Variants in ASB9 observed in about 807,000 individuals in gnomAD.
ASB9 encodes the protein ankyrin repeat and SOCS box protein 9.
In ASB9, 5 loss-of-function variants were observed where a neutral mutation model predicts 16.6. The observed-to-expected ratio is 0.30, with a 90% CI of 0.16 to 0.63. The LOEUF (loss-of-function observed/expected upper bound fraction) is 0.63, where lower values mean the gene tolerates loss of function less well. Ranked by LOEUF, ASB9 falls within the 30% of genes least tolerant of loss-of-function variation. ASB9 has a pLI of 0.82. For missense variants in ASB9, 216 were observed against 229.4 expected (o/e 0.94, Z 0.38); for synonymous variants, 100 against 86.4 (o/e 1.16, Z -0.87).
chrX:15,250,376 C>T (rs55969024), intron 5 of ASB9, 54 bp downstream of exon 5: 27,446 of 1,160,626 alleles, frequency 0.024, 276 homozygotes, highest in Non-Finnish European at 0.026. Flanking sequence ...GTTTAAAATA[C>T]ATTTAATTTA....
intron 1 of ASB9, among the ~76,000 whole-genome samples, chrX:15,262,065 C>A (rs896145862): frequency 1.9e-5 from 2 of 107,533 alleles, no homozygotes; most frequent in Non-Finnish European, 3.8e-5. Context: ...CAACTGGCTT[C>A]TTTTATTTAG....
At chrX:15,269,742 A>C in intron 1 of ASB9, 39 bp downstream of exon 1, 3 of 1,141,934 alleles carry the variant, frequency 2.6e-6, no homozygotes, top group Non-Finnish European at 3.5e-6. Context: ...CACATTAGCC[A>C]ACCTCCCCAG....
chrX:15,251,074 A>C (rs1441712690), intron 4 of ASB9, among the ~76,000 whole-genome samples: 1 of 112,550 alleles, frequency 8.9e-6, no homozygotes, highest in African/African-American at 3.2e-5. Flanking sequence ...CATAGGATGC[A>C]ATCTGCAACT....
intron 2 of ASB9, 139 bp from the exon 3 acceptor site, chrX:15,254,983 TTA>T: frequency 2.3e-6 from 1 of 431,942 alleles, no homozygotes; most frequent in Non-Finnish European, 3.9e-6. Flanking sequence ...TATATTGACT[TTA>T]AAAAAAAAAA....
At chrX:15,259,791 C>T (rs1418612709) in intron 1 of ASB9, among the ~76,000 whole-genome samples, 13 of 112,311 alleles carry the variant, frequency 1.2e-4, no homozygotes, top group Admixed American at 1.0e-3. Context: ...GGGTTGCAGT[C>T]AAAACGTTGT....
At position 15,250,461 on chromosome X, in the gene ASB9, C is replaced by A. The variant is rs746318031; in HGVS notation, c.537G>T (p.Gln179His). Residue 179 changes from glutamine (Q) to histidine (H), a missense_variant, in exon 5 of 7, where the codon CAG becomes CAT. Coordinates refer to ENST00000380488, the MANE Select transcript of ASB9 (RefSeq NM_001031739.3). ...TPLYLACENQ[Q>H]RACVKKLLES... ...CCAGAAGCTTCTTGACACAGGCTCT[C>A]TGTTGGTTTTCACAAGCCAAATAGA... 7 of 1,209,803 alleles carry A rather than the reference C, an allele frequency of 5.8e-6. No individual in the cohort carries two copies. The Admixed American group carries it at 1.3e-4, about 23-fold the overall frequency.
In ASB9 at chrX:15,248,953, C is replaced by CA; in HGVS notation, c.569-19dup. 1.8e-6 allele frequency: 2 copies of CA among 1,136,836 alleles called. No homozygotes were observed. Among genetic ancestry groups the CA allele is most frequent in the Non-Finnish European group, 1.2e-6 (1 of 858,859 alleles). The allele number at this position is 1,136,836 out of a possible 1,213,427, so 93.7% of individuals were successfully genotyped here. A position where few individuals can be genotyped will look rare whatever the true frequency, so the allele number is the denominator to read the frequency against. ...GTCCGCTCCTAAACAGTCACGAGAA[C>CA]AAAAAAGAGTCAGCAAGGAGCAGAA... On this transcript the variant is annotated intron_variant, in intron 5 of 6. Transcript: ENST00000380488.
chrX:15,252,111 G>T (rs1925163520), intron 4 of ASB9, 143 bp downstream of exon 4: 4 of 623,341 alleles, frequency 6.4e-6, no homozygotes, highest in Non-Finnish European at 9.5e-6. Context: ...GCATTTGCAG[G>T]CCAGGTCATG....
intron 5 of ASB9, 61 bp downstream of exon 5, chrX:15,250,369 T>G (rs1925005843): frequency 4.3e-6 from 5 of 1,152,357 alleles, no homozygotes; most frequent in Non-Finnish European, 5.9e-6. Flanking sequence ...GTAAGATGTT[T>G]AAAATACATT....
intron 2 of ASB9, 140 bp from the exon 3 acceptor site, chrX:15,254,984 T>TAAA: frequency 2.7e-6 from 1 of 363,961 alleles, no homozygotes; most frequent in Non-Finnish European, 4.9e-6. Context: ...ATATTGACTT[T>TAAA]AAAAAAAAAA....
Position 15,248,844 on chromosome X carries a change from A to G in ASB9, c.660T>C (p.Asp220=). The change falls in exon 6 of 7, where the codon GAT becomes GAC. Residue 220 remains aspartate (D), a synonymous_variant. Coordinates refer to ENST00000380488, the MANE Select transcript of ASB9 (RefSeq NM_001031739.3). The part of the protein sequence containing the change: ...ASEELACLLM[D]FGADTQAKNA... ...TCTTGGCCTGGGTGTCCGCTCCAAA[A>G]TCCATGAGCAGGCAGGCCAGCTCTT... 8.3e-7 allele frequency: 1 copy of G among 1,211,412 alleles called. No homozygotes were observed. The highest frequency in any genetic ancestry group is 1.1e-6 in the Non-Finnish European group (1 of 895,292).
At chrX:15,260,439 T>A (rs1369447265) in intron 1 of ASB9, among the ~76,000 whole-genome samples, 5 of 112,075 alleles carry the variant, frequency 4.5e-5, no homozygotes, top group Non-Finnish European at 9.4e-5. Flanking sequence ...TACAACCACA[T>A]AGAAGGAAAA....
intron 2 of ASB9, among the ~76,000 whole-genome samples, chrX:15,257,023 G>A (rs1419758457): frequency 9.0e-6 from 1 of 110,642 alleles, no homozygotes; most frequent in Non-Finnish European, 1.9e-5. Flanking sequence ...TTGGGGGAAG[G>A]CAGGCCGAGG....
At chrX:15,264,196 G>C (rs1428654851) in intron 1 of ASB9, among the ~76,000 whole-genome samples, 5 of 111,005 alleles carry the variant, frequency 4.5e-5, no homozygotes, top group Admixed American at 3.8e-4. Context: ...TTGGTTTCTA[G>C]ATGTGTCACT....
At chrX:15,268,819 G>GAA (rs201203853) in intron 1 of ASB9, among the ~76,000 whole-genome samples, 46 of 102,833 alleles carry the variant, frequency 4.5e-4, no homozygotes, top group African/African-American at 1.2e-3. Context: ...GTCTCAAAAA[G>GAA]AAAAAAAAAT....
intron 1 of ASB9, among the ~76,000 whole-genome samples, chrX:15,259,381 G>A (rs948186633): frequency 1.1e-4 from 12 of 112,408 alleles, no homozygotes; most frequent in African/African-American, 3.9e-4. Context: ...ATTAATAGTA[G>A]TAATCATGTA....
Position 15,248,948 on chromosome X carries a change from G to A in ASB9, c.569-13C>T, listed in dbSNP as rs201978427. 480 of 1,145,546 alleles carry A rather than the reference G, an allele frequency of 4.2e-4. 1 individual carries two copies. In the African/African-American group the frequency reaches 7.4e-3, roughly 18 times the overall value. The allele number at this position is 1,145,546 out of a possible 1,213,427, so 94.4% of individuals were successfully genotyped here. A position where few individuals can be genotyped will look rare whatever the true frequency, so the allele number is the denominator to read the frequency against. ...TTCACGTCCGCTCCTAAACAGTCACGAGAACAAAAAAGAGTCAGCAAGGAG... is the reference window on the plus strand; with the variant it reads ...TTCACGTCCGCTCCTAAACAGTCACAAGAACAAAAAAGAGTCAGCAAGGAG... On this transcript the variant is annotated splice_polypyrimidine_tract_variant and intron_variant, in intron 5 of 6. Transcript: ENST00000380488.
Position 15,265,301 on chromosome X carries a change from A to G in ASB9, c.94+4480T>C, listed in dbSNP as rs1460931303. On this transcript the variant is annotated intron_variant, in intron 1 of 6. Coordinates refer to ENST00000380488, the MANE Select transcript of ASB9 (RefSeq NM_001031739.3). ...CAGAACTCTGTATCCTCCCCTCCTC[A>G]TCCTGCATCCAAGGCAACTTCCTTT... 9.8e-5 allele frequency among the ~76,000 whole-genome samples: 11 copies of G among 111,730 alleles called. No individual in the cohort carries two copies. In the East Asian group the frequency reaches 3.1e-3, roughly 32 times the overall value.
intron 1 of ASB9, among the ~76,000 whole-genome samples, chrX:15,263,365 T>C (rs1266436053): frequency 9.0e-6 from 1 of 111,052 alleles, no homozygotes; most frequent in Non-Finnish European, 1.9e-5. Flanking sequence ...GGGTGCTGTA[T>C]TCACAATTAT....
Sources: gnomAD v4.1 joint callset for allele counts (sites outside exome capture counted in the v4.1 genomes callset) on GRCh38, gnomAD v4.1.1 for gene constraint, MANE v1.5 for transcripts, NCBI Gene and HGNC (gene_info 2026-07-23, HGNC 2026-07-21) for gene names.